TLL2: variants seen among roughly 807,000 people sequenced by gnomAD.
TLL2 encodes the protein tolloid-like protein 2.
In TLL2, 106 loss-of-function variants were observed where a neutral mutation model predicts 123.0. The observed-to-expected ratio is 0.86, with a 90% confidence interval of 0.74 to 1.01. TLL2 has a LOEUF of 1.01. TLL2 is among the 50% of genes least tolerant of loss of function. The pLI, the probability that TLL2 is intolerant of heterozygous loss-of-function variation, is 0.00. For missense variants in TLL2, 1,332 were observed against 1,336.7 expected (o/e 1.00, Z 0.06); for synonymous variants, 494 against 516.8 (o/e 0.96, Z 0.60).
rs1289405085 is a variant in TLL2, at chr10:96,396,002, A to C, written c.1403T>G (p.Met468Arg). The part of the protein sequence containing the change: ...AAYEATCGGD[M>R]NKDAGQIQSP... ...TTGAATCTGACCGGCATCTTTGTTCATGTCTCCCCCGCAGGTAGCTTTAGA... is the reference window on the plus strand; with the variant it reads ...TTGAATCTGACCGGCATCTTTGTTCCTGTCTCCCCCGCAGGTAGCTTTAGA... Residue 468 changes from methionine (M) to arginine (R), a missense_variant, in exon 12 of 21, where the codon ATG becomes AGG. Coordinates refer to ENST00000357947, the MANE Select transcript of TLL2 (RefSeq NM_012465.4). The C allele has an allele frequency of 5.6e-6, 9 of 1,613,978 alleles. No individual in the cohort carries two copies. The highest frequency in any genetic ancestry group is 7.6e-6 in the Non-Finnish European group (9 of 1,180,020).
chr10:96,494,082 C>A (rs1033087522), intron 1 of TLL2, among the ~76,000 whole-genome samples: 7 of 152,208 alleles, frequency 4.6e-5, no homozygotes, highest in African/African-American at 1.4e-4. Flanking sequence ...GCTCTGCCAA[C>A]AGAGGAGCCA....
chr10:96,440,482 G>A (rs1295504310), intron 3 of TLL2, among the ~76,000 whole-genome samples: 1 of 152,220 alleles, frequency 6.6e-6, no homozygotes, highest in Non-Finnish European at 1.5e-5. Context: ...ATCACAGGCA[G>A]CAATGTAGCA....
intron 2 of TLL2, among the ~76,000 whole-genome samples, chr10:96,475,987 C>T (rs185648218): frequency 2.8e-4 from 43 of 152,060 alleles, no homozygotes; most frequent in African/African-American, 9.6e-4. Context: ...TTGCCTTCCA[C>T]CATGATTGTG....
intron 3 of TLL2, among the ~76,000 whole-genome samples, chr10:96,442,105 T>C (rs2134085395): frequency 6.6e-6 from 1 of 152,264 alleles, no homozygotes; most frequent in Non-Finnish European, 1.5e-5. Context: ...CATGCTGAGC[T>C]CTCATCTCCA....
At chr10:96,412,184 G>T (rs757951821) in intron 8 of TLL2, among the ~76,000 whole-genome samples, 13 of 152,090 alleles carry the variant, frequency 8.5e-5, no homozygotes, top group Non-Finnish European at 2.9e-5. Context: ...ATAGCTGGAC[G>T]GACATATTTT....
chr10:96,421,050 T>C lies in TLL2; in HGVS notation c.829A>G (p.Asn277Asp). The C allele has an allele frequency of 1.9e-6, 3 of 1,613,858 alleles. No homozygotes were observed. In the South Asian group the frequency reaches 3.3e-5, roughly 18 times the overall value. ...RENIQPGQEY[N>D]FLKMEAGEVS... ...TCCCCAGCTTCCATTTTTAAGAAAT[T>C]ATACTCCTGACCTGTGACACAACAC... The change falls in exon 7 of 21, where the codon AAT (asparagine) becomes GAT (aspartate). Residue 277 changes from asparagine (N) to aspartate (D), a missense_variant. Physicochemically the swap from Asn to Asp is conservative, Grantham distance 23 (BLOSUM62 1). Coordinates refer to ENST00000357947, the MANE Select transcript of TLL2 (RefSeq NM_012465.4).
At chr10:96,423,123 C>T (rs1440655777) in intron 5 of TLL2, among the ~76,000 whole-genome samples, 3 of 78,420 alleles carry the variant, frequency 3.8e-5, no homozygotes, top group Admixed American at 1.4e-4. Flanking sequence ...AGTGAAACAC[C>T]GTCTCAAAAA....
In TLL2 at chr10:96,384,616, T is replaced by C. The variant is rs1447426027; in HGVS notation, c.2165A>G (p.Lys722Arg). The change falls in exon 16 of 21, where the codon AAG (lysine) becomes AGG (arginine). Residue 722 changes from lysine (K) to arginine (R), a missense_variant. Coordinates refer to ENST00000357947, the MANE Select transcript of TLL2 (RefSeq NM_012465.4). ...VEFKSDNTVS[K>R]RGFRAHFFSD... Reference sequence around the variant, plus strand: ...GAAGAAGTGGGCCCTGAAGCCGCGCTTGGAGACGGTGTTGTCGGACTTGAA... The same window carrying C: ...GAAGAAGTGGGCCCTGAAGCCGCGCCTGGAGACGGTGTTGTCGGACTTGAA... 10 of 1,604,148 alleles carry C rather than the reference T, an allele frequency of 6.2e-6. No homozygotes were observed. Among genetic ancestry groups the C allele is most frequent in the Non-Finnish European group, 8.5e-6 (10 of 1,173,188 alleles).
At chr10:96,441,019 C>T (rs540947682) in intron 3 of TLL2, among the ~76,000 whole-genome samples, 1 of 152,252 alleles carries the variant, frequency 6.6e-6, no homozygotes, top group African/African-American at 2.4e-5. Context: ...CAGGATTTAA[C>T]ACGCTGGGGG....
chr10:96,511,997 C>T (rs984488004), intron 1 of TLL2, among the ~76,000 whole-genome samples: 1 of 152,186 alleles, frequency 6.6e-6, no homozygotes, highest in Admixed American at 6.5e-5. Flanking sequence ...ACTCATGGTA[C>T]CTGGGCCAGG....
chr10:96,484,590 T>TACACACACAC (rs56286214), intron 1 of TLL2, among the ~76,000 whole-genome samples: 27 of 146,028 alleles, frequency 1.8e-4, no homozygotes, highest in South Asian at 6.8e-4. Context: ...TACACATAAG[T>TACACACACAC]ACACACACAC....
intron 1 of TLL2, among the ~76,000 whole-genome samples, chr10:96,484,466 T>G (rs1489177363): frequency 6.6e-6 from 1 of 152,168 alleles, no homozygotes; most frequent in African/African-American, 2.4e-5. Flanking sequence ...ATTCATATTC[T>G]GGCTTTGGCA....
At chr10:96,438,986 G>A (rs1846823993) in intron 3 of TLL2, among the ~76,000 whole-genome samples, 1 of 151,538 alleles carries the variant, frequency 6.6e-6, no homozygotes, top group Admixed American at 6.6e-5. Context: ...AATCAGCCTT[G>A]CATACCTGGA....
At chr10:96,502,893 T>C (rs180948284) in intron 1 of TLL2, among the ~76,000 whole-genome samples, 7 of 151,402 alleles carry the variant, frequency 4.6e-5, no homozygotes, top group Admixed American at 3.9e-4. Context: ...GCTGAACATC[T>C]CCACTCAAGT....
chr10:96,378,509 A>G (rs1302284645), intron 17 of TLL2, among the ~76,000 whole-genome samples: 12 of 152,258 alleles, frequency 7.9e-5, no homozygotes, highest in Non-Finnish European at 1.5e-5. Flanking sequence ...TAAATGGCTG[A>G]TCTTTATTGA....
In TLL2 at chr10:96,413,372, G is replaced by T. The variant is rs533774556; in HGVS notation, c.924-56C>A. 326 of 1,585,254 alleles carry T rather than the reference G, an allele frequency of 2.1e-4. 2 individuals carry two copies. In the African/African-American group the frequency reaches 4.1e-3, roughly 20 times the overall value. On this transcript the variant is annotated intron_variant, in intron 7 of 20. Coordinates refer to ENST00000357947, the MANE Select transcript of TLL2 (RefSeq NM_012465.4). The stretch of plus-strand genomic sequence containing the variant: ...AAGTCAAGGCCATCAGGCTGTCTGT[G>T]CTGGGATTTCTAGGCTTCATTCCCT...
chr10:96,462,740 C>A (rs917151486), intron 2 of TLL2, among the ~76,000 whole-genome samples: 54 of 152,146 alleles, frequency 3.5e-4, no homozygotes, highest in Admixed American at 3.5e-3. Context: ...ATAACTCATG[C>A]CTGAATGAAA....
intron 13 of TLL2, among the ~76,000 whole-genome samples, chr10:96,389,778 C>G (rs1440818951): frequency 6.6e-6 from 1 of 152,200 alleles, no homozygotes; most frequent in African/African-American, 2.4e-5. Context: ...GGAGAGAGCC[C>G]GGTGGATGGA....
At chr10:96,397,825 C>T (rs1298172740) in intron 10 of TLL2, among the ~76,000 whole-genome samples, 1 of 152,216 alleles carries the variant, frequency 6.6e-6, no homozygotes, top group Non-Finnish European at 1.5e-5. Flanking sequence ...ACCATATTTT[C>T]CCCATCCTGG....
Sources: gnomAD v4.1 joint callset for allele counts (sites outside exome capture counted in the v4.1 genomes callset) on GRCh38, gnomAD v4.1.1 for gene constraint, MANE v1.5 for transcripts, NCBI Gene and HGNC (gene_info 2026-07-23, HGNC 2026-07-21) for gene names.